KIAA1217: variants seen among roughly 807,000 people sequenced by gnomAD.
KIAA1217 encodes KIAA1217.
Under a neutral mutation model 163.9 loss-of-function variants are expected in KIAA1217, and 88 were observed. The observed-to-expected ratio is 0.54, with a 90% CI of 0.45 to 0.64. KIAA1217 has a LOEUF of 0.64. KIAA1217 is among the 30% of genes least tolerant of loss of function. The pLI is 0.00. For synonymous variants in KIAA1217, 903 were observed against 923.1 expected (o/e 0.98, Z 0.39); for missense variants, 2,372 against 2,475.0 (o/e 0.96, Z 0.88).
intron 1 of KIAA1217, among the ~76,000 whole-genome samples, chr10:23,792,243 C>T (rs962436512): frequency 2.6e-5 from 4 of 152,154 alleles, no homozygotes; most frequent in African/African-American, 4.8e-5. Context: ...AGAATGTTCA[C>T]GTGTAAATCA....
intron 1 of KIAA1217, among the ~76,000 whole-genome samples, chr10:23,854,596 C>G (rs574417107): frequency 7.2e-5 from 11 of 152,188 alleles, no homozygotes; most frequent in African/African-American, 2.6e-4. Context: ...GTTGATCTGT[C>G]TAATTTTGAC....
intron 5 of KIAA1217, among the ~76,000 whole-genome samples, chr10:24,468,347 CATT>C (rs1327179785): frequency 6.6e-6 from 1 of 152,178 alleles, no homozygotes; most frequent in East Asian, 1.9e-4. Context: ...ATCATTGTGT[CATT>C]TTTCTTCTTG....
At chr10:24,404,166 G>T (rs186000029) in intron 3 of KIAA1217, among the ~76,000 whole-genome samples, 2 of 152,110 alleles carry the variant, frequency 1.3e-5, no homozygotes, top group African/African-American at 4.8e-5. Context: ...ACCATGCTAC[G>T]CAGGCTGGTC....
At position 24,218,102 on chromosome 10, in the gene KIAA1217, A is replaced by T. The variant is rs2069076283; in HGVS notation, c.71-1524A>T. Among the ~76,000 whole-genome samples, 4 of 152,298 alleles carry T rather than the reference A, an allele frequency of 2.6e-5. No individual in the cohort carries two copies. The South Asian group carries it at 8.3e-4, about 32-fold the overall frequency. On this transcript the variant is annotated intron_variant, in intron 1 of 20. Coordinates refer to ENST00000376454, the MANE Select transcript of KIAA1217 (RefSeq NM_019590.5). ...AGAACTGTTCTTCGTGAAGAGCCTG[A>T]CTTCATGAAGAGAGCCTGTCTAACT...
intron 5 of KIAA1217, among the ~76,000 whole-genome samples, chr10:24,459,126 G>A (rs78256374): frequency 0.015 from 2,218 of 152,246 alleles, 46 homozygotes; most frequent in African/African-American, 0.051. Flanking sequence ...ACCACTGTCC[G>A]AGAGTAACTC....
chr10:23,943,041 C>A (rs975688592), intron 1 of KIAA1217, among the ~76,000 whole-genome samples: 38 of 151,844 alleles, frequency 2.5e-4, no homozygotes, highest in African/African-American at 8.5e-4. Context: ...GGGAGAATTG[C>A]TTGAGTCTGG....
chr10:23,755,122 G>A (rs77122659), intron 1 of KIAA1217, among the ~76,000 whole-genome samples: 8,111 of 152,144 alleles, frequency 0.053, 362 homozygotes, highest in African/African-American at 0.11. Flanking sequence ...CACCCACGGC[G>A]GACGCTTCCA....
intron 1 of KIAA1217, among the ~76,000 whole-genome samples, chr10:23,972,519 A>G (rs1387158637): frequency 6.6e-6 from 1 of 151,840 alleles, no homozygotes; most frequent in South Asian, 2.1e-4. Flanking sequence ...AGAGCAGAAA[A>G]CCAAACACTA....
chr10:24,122,967 G>A (rs1405547012), intron 2 of KIAA1217, among the ~76,000 whole-genome samples: 1 of 151,706 alleles, frequency 6.6e-6, no homozygotes, highest in Non-Finnish European at 1.5e-5. Context: ...ATGTTATTTT[G>A]CATATATTAG....
At chr10:24,014,979 C>G (rs1016008054) in intron 2 of KIAA1217, among the ~76,000 whole-genome samples, 1 of 151,748 alleles carries the variant, frequency 6.6e-6, no homozygotes. Context: ...TAATATTATT[C>G]AAAAATATAA....
intron 1 of KIAA1217, among the ~76,000 whole-genome samples, chr10:23,722,938 G>T (rs1002762153): frequency 4.6e-5 from 7 of 152,102 alleles, no homozygotes; most frequent in African/African-American, 1.7e-4. Flanking sequence ...CCTTTATTCT[G>T]CCATATCCTG....
intron 1 of KIAA1217, among the ~76,000 whole-genome samples, chr10:23,918,002 C>T (rs1200083908): frequency 6.6e-6 from 1 of 151,544 alleles, no homozygotes; most frequent in Non-Finnish European, 1.5e-5. Flanking sequence ...AAAGGCAAGA[C>T]ATTTTTTATC....
Position 24,533,234 on chromosome 10 carries a change from C to G in KIAA1217, c.3411C>G (p.Leu1137=), listed in dbSNP as rs1245647571. 1.2e-6 allele frequency: 2 copies of G among 1,608,420 alleles called. No homozygotes were observed. Among genetic ancestry groups the G allele is most frequent in the Non-Finnish European group, 1.7e-6 (2 of 1,177,326 alleles). The change falls in exon 16 of 21, where the codon CTC becomes CTG. Residue 1137 remains leucine, a synonymous_variant. Coordinates refer to ENST00000376454, the MANE Select transcript of KIAA1217 (RefSeq NM_019590.5). ...AAGGAGACAAAATAATGGCAGAACTCCAGGTATGTGGATGAGGTGACTGAC... is the reference window on the plus strand; with the variant it reads ...AAGGAGACAAAATAATGGCAGAACTGCAGGTATGTGGATGAGGTGACTGAC... ...EEEGDKIMAE[L]QAFQKCSFMD... is the part of the protein sequence containing the mutation.
In KIAA1217 at chr10:24,473,925, C is replaced by T; in HGVS notation, c.1544C>T (p.Pro515Leu). ...SPSRQAFKKE[P>L]GTLVYIEKPR... is the part of the protein sequence containing the mutation. ...AGCCGCCAGGCCTTTAAAAAGGAGC[C>T]AGGCACCTTGGTGTATATAGAAAAG... The change falls in exon 6 of 21, where the codon CCA (proline) becomes CTA (leucine). Residue 515 changes from proline to leucine, a missense_variant. This residue lies in a region of KIAA1217 where 1,431 missense variants were observed against 1,470.3 expected (regional missense o/e 0.97). Coordinates refer to ENST00000376454, the MANE Select transcript of KIAA1217 (RefSeq NM_019590.5). 1 of 1,614,186 alleles carries T rather than the reference C, an allele frequency of 6.2e-7. No individual in the cohort carries two copies. Among genetic ancestry groups the T allele is most frequent in the African/African-American group, 1.3e-5 (1 of 75,048 alleles).
chr10:24,369,179 A>ATGTGTGTGTGTGTGTGTGTG (rs59687010), intron 2 of KIAA1217, among the ~76,000 whole-genome samples: 6 of 139,530 alleles, frequency 4.3e-5, no homozygotes, highest in African/African-American at 8.2e-5. Context: ...AACTTTCACT[A>ATGTGTGTGTGTGTGTGTGTG]TGTGTGTGTG....
At chr10:24,378,296 A>C (rs2052796095) in intron 2 of KIAA1217, among the ~76,000 whole-genome samples, 1 of 152,128 alleles carries the variant, frequency 6.6e-6, no homozygotes, top group South Asian at 2.1e-4. Flanking sequence ...AATTTGATTG[A>C]TCCAGCTAAG....
chr10:24,224,978 C>T lies in KIAA1217; in HGVS notation c.354+5069C>T, dbSNP rs146944956. ...AGTAGCTGGGACTACAGGCGCCCACCACCACGCCTAGCTAATATTTTGTAT... is the reference window on the plus strand; with the variant it reads ...AGTAGCTGGGACTACAGGCGCCCACTACCACGCCTAGCTAATATTTTGTAT... On this transcript the variant is annotated intron_variant, in intron 2 of 20. Transcript: ENST00000376454. Among the ~76,000 whole-genome samples, 672 of 152,048 alleles carry T rather than the reference C, an allele frequency of 4.4e-3. 7 individuals carry two copies. Among genetic ancestry groups the T allele is most frequent in the Non-Finnish European group, 6.7e-3 (455 of 67,978 alleles).
At chr10:24,313,790 A>G (rs1219508924) in intron 2 of KIAA1217, among the ~76,000 whole-genome samples, 1 of 149,074 alleles carries the variant, frequency 6.7e-6, no homozygotes. Flanking sequence ...TGGATTTTGG[A>G]GCTGATTCTT....
At chr10:24,409,352 A>T (rs2057532947) in intron 3 of KIAA1217, among the ~76,000 whole-genome samples, 2 of 152,234 alleles carry the variant, frequency 1.3e-5, no homozygotes, top group Non-Finnish European at 2.9e-5. Context: ...AAGAAGCCAG[A>T]CCAAAAGAGT....
Sources: gnomAD v4.1 joint callset for allele counts (sites outside exome capture counted in the v4.1 genomes callset) on GRCh38, gnomAD v4.1.1 for gene constraint, gnomAD v4.1.1 regional missense constraint, MANE v1.5 for transcripts, NCBI Gene and HGNC (gene_info 2026-07-23, HGNC 2026-07-21) for gene names.